Variants in CACNA1B observed in about 807,000 individuals in gnomAD.
CACNA1B encodes the protein voltage-dependent N-type calcium channel subunit alpha-1B.
CACNA1B carries 70 observed loss-of-function variants against 247.2 expected under a neutral mutation model. The ratio of observed to expected loss-of-function variants is 0.28; its 90% CI spans 0.23 to 0.35. CACNA1B has a LOEUF of 0.35. CACNA1B is among the 10% of genes least tolerant of loss of function. The pLI is 1.00. For synonymous variants in CACNA1B, 1,231 were observed against 1,294.4 expected (o/e 0.95, Z 1.05); for missense variants, 2,367 against 3,197.4 (o/e 0.74, Z 6.26).
At chr9:138,065,258 G>A (rs1160976897) in intron 31 of CACNA1B, among the ~76,000 whole-genome samples, 1 of 152,164 alleles carries the variant, frequency 6.6e-6, no homozygotes, top group African/African-American at 2.4e-5. Flanking sequence ...ATATCACACA[G>A]CCCTTCACTG....
At chr9:137,883,298 G>A (rs1237042428) in intron 3 of CACNA1B, among the ~76,000 whole-genome samples, 19 of 151,668 alleles carry the variant, frequency 1.3e-4, no homozygotes, top group Admixed American at 1.1e-3. Context: ...GGCACTTGGC[G>A]GTTTGAATTC....
chr9:138,071,137 C>T (rs921392041), intron 32 of CACNA1B, among the ~76,000 whole-genome samples: 3 of 152,252 alleles, frequency 2.0e-5, no homozygotes, highest in Non-Finnish European at 4.4e-5. Flanking sequence ...AAGTACTCCT[C>T]ACCTCCTGGA....
intron 23 of CACNA1B, among the ~76,000 whole-genome samples, chr9:138,048,620 C>G (rs188628339): frequency 6.6e-6 from 1 of 152,194 alleles, no homozygotes; most frequent in Non-Finnish European, 1.5e-5. Context: ...AACGTGTGCA[C>G]TCAGCCACAC....
Position 138,011,336 on chromosome 9 carries a change from T to C in CACNA1B, c.2160+1259T>C, listed in dbSNP as rs1958721704. ...GGAGGAAGCCATGTCCTTGGGGCCC[T>C]GTGTCCACATACATGTACCCTCATT... On this transcript the variant is annotated intron_variant, in intron 17 of 46. Transcript: ENST00000371372. The surrounding 1 kb of genome is among the most constrained non-coding windows in gnomAD (Gnocchi z 4.2). Among the ~76,000 whole-genome samples, 1 of 152,170 alleles carries C rather than the reference T, an allele frequency of 6.6e-6. No individual in the cohort carries two copies. Among genetic ancestry groups the C allele is most frequent in the Non-Finnish European group, 1.5e-5 (1 of 68,024 alleles).
chr9:137,906,278 C>T (rs973985086), intron 3 of CACNA1B, among the ~76,000 whole-genome samples: 4 of 152,198 alleles, frequency 2.6e-5, no homozygotes, highest in East Asian at 1.9e-4. Flanking sequence ...CTCCTAAGGC[C>T]GCTTTGCTGA....
At chr9:137,988,400 G>A (rs990276286) in intron 15 of CACNA1B, among the ~76,000 whole-genome samples, 1 of 152,134 alleles carries the variant, frequency 6.6e-6, no homozygotes, top group African/African-American at 2.4e-5. Flanking sequence ...CTCCATGCCA[G>A]GGGGGTGGCA....
intron 36 of CACNA1B, among the ~76,000 whole-genome samples, chr9:138,089,187 C>CA (rs1247401232): frequency 4.6e-5 from 7 of 151,722 alleles, no homozygotes; most frequent in Non-Finnish European, 8.8e-5. Context: ...GAAACAAAAA[C>CA]AAAAAACACT....
intron 3 of CACNA1B, among the ~76,000 whole-genome samples, chr9:137,896,577 C>T (rs1279680978): frequency 6.6e-6 from 1 of 152,138 alleles, no homozygotes; most frequent in African/African-American, 2.4e-5. Context: ...GGCTATTGGT[C>T]TGTAGTGTTT....
chr9:137,917,392 G>A lies in CACNA1B; in HGVS notation c.927G>A (p.Gln309=). The A allele has an allele frequency of 6.2e-7, 1 of 1,613,990 alleles. No individual in the cohort carries two copies. The highest frequency in any genetic ancestry group is 8.5e-7 in the Non-Finnish European group (1 of 1,179,870). The change falls in exon 6 of 47, where the codon CAG becomes CAA. Residue 309 remains glutamine (Q), a synonymous_variant. Coordinates refer to ENST00000371372, the MANE Select transcript of CACNA1B (RefSeq NM_000718.4). The surrounding 1 kb of genome is among the most constrained non-coding windows in gnomAD (Gnocchi z 5.5). ...NILFAILTVF[Q]CITMEGWTDI... ...TGTTTGCCATCTTGACGGTGTTCCAGTGCATCACCATGGAGGGCTGGACTG... is the reference window on the plus strand; with the variant it reads ...TGTTTGCCATCTTGACGGTGTTCCAATGCATCACCATGGAGGGCTGGACTG...
chr9:138,023,111 G>A lies in CACNA1B; in HGVS notation c.2368G>A (p.Glu790Lys), dbSNP rs763316946. ...LRASCEALYS[E>K]MDPEERLRFA... ...GGCCAGCTGCGAGGCGCTGTACAGC[G>A]AGATGGACCCCGAGGAGCGGCTGCG... is the stretch of plus-strand genomic sequence containing the variant. The change falls in exon 19 of 47, where the codon GAG becomes AAG. Residue 790 changes from glutamate (E) to lysine (K), a missense_variant. Glu to Lys is a moderately conservative substitution (Grantham distance 56). Coordinates refer to ENST00000371372, the MANE Select transcript of CACNA1B (RefSeq NM_000718.4). 2 of 1,535,890 alleles carry A rather than the reference G, an allele frequency of 1.3e-6. No individual in the cohort carries two copies. The highest frequency in any genetic ancestry group is 1.2e-5 in the South Asian group (1 of 83,684).
At chr9:138,053,781 C>G (rs563236309) in intron 25 of CACNA1B, 65 bp from the exon 26 acceptor site, 6 of 1,314,444 alleles carry the variant, frequency 4.6e-6, no homozygotes, top group Non-Finnish European at 5.4e-6. Flanking sequence ...ACCCTTCCCC[C>G]TCATGGCCCC....
In CACNA1B at chr9:138,101,019, G is replaced by A. The variant is rs372195284; in HGVS notation, c.5223-1692G>A. 76 of 460,454 alleles carry A rather than the reference G, an allele frequency of 1.7e-4. No individual in the cohort carries two copies. The East Asian group carries it at 2.4e-3, about 14-fold the overall frequency. 28.5% of individuals were successfully genotyped at this position (460,454 alleles called of 1,614,324 possible). A position where few individuals can be genotyped will look rare whatever the true frequency, so the allele number is the denominator to read the frequency against. ...TCCGCCGCCACGCCTGCGCGAGGTC[G>A]GTCTTCCCATCACAGGCTGGGCGGG... is the stretch of plus-strand genomic sequence containing the variant. On this transcript the variant is annotated intron_variant, in intron 37 of 46. Transcript: ENST00000371372.
chr9:137,993,191 G>T (rs575194844), intron 15 of CACNA1B, among the ~76,000 whole-genome samples: 1 of 151,306 alleles, frequency 6.6e-6, no homozygotes, highest in African/African-American at 2.4e-5. Context: ...AAATCAGAGC[G>T]GAACTAAATG....
rs939754255 is a variant in CACNA1B, at chr9:137,917,513, C to G, written c.966+82C>G. 2 of 1,217,490 alleles carry G rather than the reference C, an allele frequency of 1.6e-6. No individual in the cohort carries two copies. Among genetic ancestry groups the G allele is most frequent in the South Asian group, 2.8e-5 (2 of 71,754 alleles). 75.4% of individuals were successfully genotyped at this position (1,217,490 alleles called of 1,614,324 possible). On this transcript the variant is annotated intron_variant, in intron 6 of 46. Coordinates refer to ENST00000371372, the MANE Select transcript of CACNA1B (RefSeq NM_000718.4). This position sits in a 1 kb window ranked among gnomAD's most constrained non-coding sequence, Gnocchi z 5.5. ...GCCTCTGGGGGTCCATTTAGGGGGG[C>G]CCTTCTGACCTCAGAGCCTCTGCCC...
At chr9:137,982,697 G>A (rs1017256812) in intron 12 of CACNA1B, among the ~76,000 whole-genome samples, 1 of 152,200 alleles carries the variant, frequency 6.6e-6, no homozygotes, top group Non-Finnish European at 1.5e-5. Context: ...TCAACCCTAG[G>A]CAAACATCTG....
In CACNA1B at chr9:138,054,724, G is replaced by A. The variant is rs950930133; in HGVS notation, c.3968+718G>A. ...GAATTGCCGGGTCCTGGGTGTGCGT[G>A]TACTCAGCCTTAGTAGATGCTGCCA... is the stretch of plus-strand genomic sequence containing the variant. On this transcript the variant is annotated intron_variant, in intron 26 of 46. Transcript: ENST00000371372. This position sits in a 1 kb window ranked among gnomAD's most constrained non-coding sequence, Gnocchi z 4.6. Among the ~76,000 whole-genome samples the A allele has an allele frequency of 4.6e-5, 7 of 152,182 alleles. No homozygotes were observed. The highest frequency in any genetic ancestry group is 1.0e-4 in the Non-Finnish European group (7 of 68,030).
At chr9:137,936,344 T>C (rs1455876521) in intron 6 of CACNA1B, among the ~76,000 whole-genome samples, 2 of 152,242 alleles carry the variant, frequency 1.3e-5, no homozygotes, top group African/African-American at 2.4e-5. Flanking sequence ...GATTTTTTCC[T>C]GTAAATTTGT....
chr9:138,058,169 C>T lies in CACNA1B; in HGVS notation c.4227C>T (p.Asn1409=). 1 of 1,613,932 alleles carries T rather than the reference C, an allele frequency of 6.2e-7. No homozygotes were observed. The highest frequency in any genetic ancestry group is 8.5e-7 in the Non-Finnish European group (1 of 1,179,792). The change falls in exon 28 of 47, where the codon AAC becomes AAT. Residue 1409 remains asparagine (N), a synonymous_variant. Coordinates refer to ENST00000371372, the MANE Select transcript of CACNA1B (RefSeq NM_000718.4). This position sits in a 1 kb window ranked among gnomAD's most constrained non-coding sequence, Gnocchi z 4.7. ...YFVVFPFFFV[N]IFVALIIITF... is the part of the protein sequence containing the mutation. ...TGGTCTTTCCCTTCTTCTTCGTCAACATCTTTGTGGCTTTGATCATCATCA... is the reference window on the plus strand; with the variant it reads ...TGGTCTTTCCCTTCTTCTTCGTCAATATCTTTGTGGCTTTGATCATCATCA...
rs1211559386 is a variant in CACNA1B at position 138,007,287 on chromosome 9, T to G, written c.2092+403T>G. ...TTCCCCCTGCTGATACCATCCCCTT[T>G]GCAGAGAAATGTAAGGAAAGGTTTT... On this transcript the variant is annotated intron_variant, in intron 16 of 46. Transcript: ENST00000371372. This position sits in a 1 kb window ranked among gnomAD's most constrained non-coding sequence, Gnocchi z 4.1. Among the ~76,000 whole-genome samples, 2 of 152,118 alleles carry G rather than the reference T, an allele frequency of 1.3e-5. No homozygotes were observed. Among genetic ancestry groups the G allele is most frequent in the Non-Finnish European group, 2.9e-5 (2 of 68,032 alleles).
Sources: allele counts gnomAD v4.1 joint callset (sites outside exome capture counted in the v4.1 genomes callset), GRCh38; gene constraint gnomAD v4.1.1; non-coding constraint Gnocchi (gnomAD v3.1); transcripts MANE v1.5; gene names NCBI Gene and HGNC (gene_info 2026-07-23, HGNC 2026-07-21).